PPP3CA: variants seen among roughly 807,000 people sequenced by gnomAD.
PPP3CA encodes CAM-PRP catalytic subunit.
A neutral mutation model predicts 66.5 loss-of-function variants in PPP3CA; 14 were observed. The ratio of observed to expected loss-of-function variants is 0.21; its 90% CI spans 0.14 to 0.33. The LOEUF (loss-of-function observed/expected upper bound fraction) is 0.33. Ranked by LOEUF, PPP3CA falls within the 10% of genes least tolerant of loss-of-function variation. The pLI, the probability that PPP3CA is intolerant of heterozygous loss-of-function variation, is 1.00. For synonymous variants in PPP3CA, 232 were observed against 226.2 expected (o/e 1.03, Z -0.23); for missense variants, 317 against 639.5 (o/e 0.50, Z 5.44).
chr4:101,210,776 T>A (rs1000109968), intron 1 of PPP3CA, among the ~76,000 whole-genome samples: 1 of 152,186 alleles, frequency 6.6e-6, no homozygotes, highest in African/African-American at 2.4e-5. Flanking sequence ...AAACATTCGC[T>A]GCCAGTATTA....
intron 8 of PPP3CA, among the ~76,000 whole-genome samples, chr4:101,065,598 A>G (rs1728646690): frequency 6.6e-6 from 1 of 152,102 alleles, no homozygotes; most frequent in South Asian, 2.1e-4. Flanking sequence ...AGATCATGCA[A>G]CCAGTAACTG....
At chr4:101,143,813 A>C (rs1231787339) in intron 2 of PPP3CA, among the ~76,000 whole-genome samples, 2 of 152,222 alleles carry the variant, frequency 1.3e-5, no homozygotes, top group Non-Finnish European at 2.9e-5. Context: ...GAGAAATTAC[A>C]AACAGCTGTT....
At chr4:101,324,921 T>C (rs1729165362) in intron 1 of PPP3CA, among the ~76,000 whole-genome samples, 3 of 152,250 alleles carry the variant, frequency 2.0e-5, no homozygotes. Flanking sequence ...TTCTCTTCAG[T>C]GTTAAGAAGC....
intron 2 of PPP3CA, among the ~76,000 whole-genome samples, chr4:101,156,689 GA>G (rs11307631): frequency 0.53 from 80,083 of 151,764 alleles, 23,118 homozygotes; most frequent in African/African-American, 0.76. Flanking sequence ...AAGAAAGAAA[GA>G]AAGAAAGAGA....
intron 2 of PPP3CA, among the ~76,000 whole-genome samples, chr4:101,189,195 C>A (rs1724508833): frequency 6.6e-6 from 1 of 152,070 alleles, no homozygotes. Context: ...CAAAGAAACA[C>A]ACACATATAT....
At chr4:101,206,701 T>C (rs890240977) in intron 1 of PPP3CA, among the ~76,000 whole-genome samples, 2 of 152,228 alleles carry the variant, frequency 1.3e-5, no homozygotes, top group Non-Finnish European at 2.9e-5. Context: ...TGGCATTTGA[T>C]ATGTGTTTTT....
intron 10 of PPP3CA, among the ~76,000 whole-genome samples, chr4:101,043,967 G>A (rs959950800): frequency 6.6e-6 from 1 of 152,134 alleles, no homozygotes; most frequent in African/African-American, 2.4e-5. Context: ...AAAATAACCT[G>A]ACCATGGACA....
chr4:101,263,297 G>A (rs1187434980), intron 1 of PPP3CA, among the ~76,000 whole-genome samples: 1 of 152,158 alleles, frequency 6.6e-6, no homozygotes, highest in Non-Finnish European at 1.5e-5. Flanking sequence ...TGTCTGAAGA[G>A]TTTACACAAA....
intron 1 of PPP3CA, among the ~76,000 whole-genome samples, chr4:101,225,984 T>C (rs1294600947): frequency 6.6e-6 from 1 of 151,804 alleles, no homozygotes; most frequent in East Asian, 1.9e-4. Flanking sequence ...AAAATAGTTA[T>C]GGAAAATAAA....
At position 101,067,547 on chromosome 4, in the gene PPP3CA, A is replaced by AC. The variant is rs199980867; in HGVS notation, c.956-4191_956-4190insG. Among the ~76,000 whole-genome samples, 169 of 151,736 alleles carry AC rather than the reference A, an allele frequency of 1.1e-3. 7 individuals carry two copies. In the East Asian group the frequency reaches 0.017, roughly 15 times the overall value. The stretch of plus-strand genomic sequence containing the variant: ...TTTGAAATTTTGATGAGACAAAAAA[A>AC]AAAACAACTAGTATTTCATAAGAAC... On this transcript the variant is annotated intron_variant, in intron 8 of 13. Transcript: ENST00000394854.
chr4:101,235,087 G>T (rs1419677474), intron 1 of PPP3CA, among the ~76,000 whole-genome samples: 2 of 151,608 alleles, frequency 1.3e-5, no homozygotes, highest in African/African-American at 4.8e-5. Flanking sequence ...ATTAACACAT[G>T]GAAGATATTA....
intron 2 of PPP3CA, among the ~76,000 whole-genome samples, chr4:101,112,989 A>C (rs1028164895): frequency 6.6e-6 from 1 of 152,136 alleles, no homozygotes; most frequent in Non-Finnish European, 1.5e-5. Context: ...AAAATCCTCA[A>C]CTAAGAGGCC....
chr4:101,281,518 T>C (rs1240109621), intron 1 of PPP3CA, among the ~76,000 whole-genome samples: 1 of 152,246 alleles, frequency 6.6e-6, no homozygotes, highest in East Asian at 1.9e-4. Flanking sequence ...GTATGGATTA[T>C]AATATAATTT....
chr4:101,208,016 G>C (rs995975943), intron 1 of PPP3CA, among the ~76,000 whole-genome samples: 3 of 152,012 alleles, frequency 2.0e-5, no homozygotes, highest in African/African-American at 7.3e-5. Flanking sequence ...AGGCATGATG[G>C]GCAGTCATTT....
At chr4:101,276,024 A>C (rs1353293304) in intron 1 of PPP3CA, among the ~76,000 whole-genome samples, 1 of 151,774 alleles carries the variant, frequency 6.6e-6, no homozygotes, top group Non-Finnish European at 1.5e-5. Context: ...CCTCCTGCGT[A>C]GCTGGGATTA....
chr4:101,083,788 T>C (rs1308695278), intron 6 of PPP3CA, among the ~76,000 whole-genome samples: 1 of 152,188 alleles, frequency 6.6e-6, no homozygotes, highest in African/African-American at 2.4e-5. Flanking sequence ...TCCCATACGG[T>C]GGGAAATCAA....
intron 1 of PPP3CA, among the ~76,000 whole-genome samples, chr4:101,339,110 C>T (rs941929584): frequency 6.6e-6 from 1 of 152,124 alleles, no homozygotes. Context: ...CATCCAATGA[C>T]ATTTTGGGGG....
chr4:101,066,302 C>T (rs1406628004), intron 8 of PPP3CA, among the ~76,000 whole-genome samples: 2 of 152,136 alleles, frequency 1.3e-5, no homozygotes, highest in African/African-American at 4.8e-5. Flanking sequence ...GGCCAGACTA[C>T]AAGATGGAAT....
Position 101,040,582 on chromosome 4 carries a change from G to C in PPP3CA, c.1157-16C>G. On this transcript the variant is annotated splice_polypyrimidine_tract_variant and intron_variant, in intron 10 of 13. Coordinates refer to ENST00000394854, the MANE Select transcript of PPP3CA (RefSeq NM_000944.5). ...GCTGTTGCACCTGTATTTTCAAACAGAGTTCAGTGGTCAGTAATTTTTTAT... is the reference window on the plus strand; with the variant it reads ...GCTGTTGCACCTGTATTTTCAAACACAGTTCAGTGGTCAGTAATTTTTTAT... 1 of 1,593,488 alleles carries C rather than the reference G, an allele frequency of 6.3e-7. No individual in the cohort carries two copies. Among genetic ancestry groups the C allele is most frequent in the Non-Finnish European group, 8.6e-7 (1 of 1,167,000 alleles).
Sources: gnomAD v4.1 joint callset for allele counts (sites outside exome capture counted in the v4.1 genomes callset) on GRCh38, gnomAD v4.1.1 for gene constraint, MANE v1.5 for transcripts, NCBI Gene and HGNC (gene_info 2026-07-23, HGNC 2026-07-21) for gene names.